Variants in CRMP1 observed in about 807,000 individuals in gnomAD.
CRMP1 encodes collapsin response mediator protein 1, also known as dihydropyrimidinase-related protein 1.
A neutral mutation model predicts 68.3 loss-of-function variants in CRMP1; 19 were observed. The observed-to-expected ratio is 0.28, with a 90% CI of 0.19 to 0.41. CRMP1 has a LOEUF of 0.41. CRMP1 is among the 10% of genes least tolerant of loss of function. The pLI is 1.00. For synonymous variants in CRMP1, 439 were observed against 399.6 expected (o/e 1.10, Z -1.18); for missense variants, 791 against 967.4 (o/e 0.82, Z 2.42).
chr4:5,827,733 G>GCACGCACACA (rs1719899729), intron 12 of CRMP1, among the ~76,000 whole-genome samples: 1 of 138,276 alleles, frequency 7.2e-6, no homozygotes, highest in African/African-American at 2.9e-5. Context: ...ATGTGCGCGT[G>GCACGCACACA]CACACACACA....
intron 1 of CRMP1, among the ~76,000 whole-genome samples, chr4:5,868,446 T>C (rs1047193443): frequency 4.1e-4 from 62 of 151,544 alleles, no homozygotes; most frequent in African/African-American, 1.4e-3. Flanking sequence ...GAACTACAGG[T>C]ACCTGCCACC....
At position 5,825,741 on chromosome 4, in the gene CRMP1, CGA is replaced by C; in HGVS notation, c.1804-84_1804-83del. The C allele has an allele frequency of 2.7e-6, 4 of 1,463,866 alleles. No individual in the cohort carries two copies. The highest frequency in any genetic ancestry group is 4.6e-5 in the Admixed American group (2 of 43,930). The allele number at this position is 1,463,866 out of a possible 1,614,324, so 90.7% of individuals were successfully genotyped here. On this transcript the variant is annotated intron_variant, in intron 12 of 13. Coordinates refer to ENST00000324989, the MANE Select transcript of CRMP1 (RefSeq NM_001014809.3). This position sits in a 1 kb window ranked among gnomAD's most constrained non-coding sequence, Gnocchi z 4.4. ...GGCAGATAAAGCAGAGCCCTGCGGG[CGA>C]GAGAGAAACCTGAGGTCACTTCAAA...
chr4:5,891,324 T>C lies in CRMP1; in HGVS notation c.381+1265A>G, dbSNP rs1715942374. On this transcript the variant is annotated intron_variant, in intron 1 of 13. Coordinates refer to ENST00000324989, the MANE Select transcript of CRMP1 (RefSeq NM_001014809.3). This position sits in a 1 kb window ranked among gnomAD's most constrained non-coding sequence, Gnocchi z 5.2. The stretch of plus-strand genomic sequence containing the variant: ...GGGCCCGAAGAGGCCCACCACCGTG[T>C]TTACCAGTTCCCTGCTCCTATTCCT... Among the ~76,000 whole-genome samples, 1 of 151,802 alleles carries C rather than the reference T, an allele frequency of 6.6e-6. No homozygotes were observed. Among genetic ancestry groups the C allele is most frequent in the Non-Finnish European group, 1.5e-5 (1 of 67,950 alleles).
rs1218583432 is a variant in CRMP1 at position 5,821,452 on chromosome 4, G to C, written c.*308C>G. ...CACCACTCAGAGAATCATGGAGCCA[G>C]TGGAGTTAGAAGTGGAAGGGACAGA... On this transcript the variant is annotated 3_prime_UTR_variant, in exon 14 of 14. Coordinates refer to ENST00000324989, the MANE Select transcript of CRMP1 (RefSeq NM_001014809.3). This position sits in a 1 kb window ranked among gnomAD's most constrained non-coding sequence, Gnocchi z 4.4. The C allele has an allele frequency of 5.2e-6, 2 of 382,312 alleles. No homozygotes were observed. The highest frequency in any genetic ancestry group is 9.6e-6 in the Non-Finnish European group (2 of 207,930). The allele number at this position is 382,312 out of a possible 1,614,324, so 23.7% of individuals were successfully genotyped here.
intron 11 of CRMP1, among the ~76,000 whole-genome samples, chr4:5,829,105 G>T (rs753970067): frequency 1.3e-4 from 20 of 152,294 alleles, no homozygotes; most frequent in Middle Eastern, 6.8e-3. Flanking sequence ...GTGCCATATG[G>T]CCAAATTATT....
rs1719385922 is a variant in CRMP1, at chr4:5,825,383, G to A, written c.1969+111C>T. ...TCGGGTGGGGCACACTCCCTTCCCTGCTTCTTCATCTAGTGTCCAAGGCCA... is the reference window on the plus strand; with the variant it reads ...TCGGGTGGGGCACACTCCCTTCCCTACTTCTTCATCTAGTGTCCAAGGCCA... On this transcript the variant is annotated intron_variant, in intron 13 of 13. Coordinates refer to ENST00000324989, the MANE Select transcript of CRMP1 (RefSeq NM_001014809.3). This position sits in a 1 kb window ranked among gnomAD's most constrained non-coding sequence, Gnocchi z 4.4. The A allele has an allele frequency of 1.4e-6, 2 of 1,463,408 alleles. No individual in the cohort carries two copies. The highest frequency in any genetic ancestry group is 5.6e-5 in the Admixed American group (2 of 35,416). The allele number at this position is 1,463,408 out of a possible 1,614,324, so 90.7% of individuals were successfully genotyped here.
In CRMP1 at chr4:5,825,948, A is replaced by C. The variant is rs1719532724; in HGVS notation, c.1804-289T>G. The C allele has an allele frequency of 4.4e-6, 2 of 457,092 alleles. No homozygotes were observed. Among genetic ancestry groups the C allele is most frequent in the Non-Finnish European group, 7.7e-6 (2 of 258,456 alleles). 28.3% of individuals were successfully genotyped at this position (457,092 alleles called of 1,614,324 possible). ...CTCACATACATGCAGTCATGCACACATATATGCATGCACATGCAGTAACAA... is the reference window on the plus strand; with the variant it reads ...CTCACATACATGCAGTCATGCACACCTATATGCATGCACATGCAGTAACAA... On this transcript the variant is annotated intron_variant, in intron 12 of 13. Coordinates refer to ENST00000324989, the MANE Select transcript of CRMP1 (RefSeq NM_001014809.3). The surrounding 1 kb of genome is among the most constrained non-coding windows in gnomAD (Gnocchi z 4.4).
At position 5,858,585 on chromosome 4, in the gene CRMP1, C is replaced by T. The variant is rs1345375843; in HGVS notation, c.656-2278G>A. On this transcript the variant is annotated intron_variant, in intron 3 of 13. Coordinates refer to ENST00000324989, the MANE Select transcript of CRMP1 (RefSeq NM_001014809.3). The surrounding 1 kb of genome is among the most constrained non-coding windows in gnomAD (Gnocchi z 5.5). Reference sequence around the variant, plus strand: ...TCCAATTCTGCCCACTCCATGGCCACGCCACCCTCATCTCTCAGCTGAATT... The same window carrying T: ...TCCAATTCTGCCCACTCCATGGCCATGCCACCCTCATCTCTCAGCTGAATT... Among the ~76,000 whole-genome samples, 1 of 152,150 alleles carries T rather than the reference C, an allele frequency of 6.6e-6. No homozygotes were observed.
intron 3 of CRMP1, among the ~76,000 whole-genome samples, chr4:5,856,904 T>C (rs2152466110): frequency 7.0e-6 from 1 of 142,510 alleles, no homozygotes; most frequent in African/African-American, 2.7e-5. Context: ...TCATCATTAC[T>C]AACATTATCA....
At chr4:5,851,921 AGAGGAAGAG>A (rs796358208) in intron 4 of CRMP1, among the ~76,000 whole-genome samples, 28 of 142,930 alleles carry the variant, frequency 2.0e-4, no homozygotes, top group Middle Eastern at 3.6e-3. Context: ...GAGAAGGAGA[AGAGGAAGAG>A]GAGGAAGAGG....
intron 6 of CRMP1, among the ~76,000 whole-genome samples, chr4:5,847,710 G>A (rs148506512): frequency 8.1e-4 from 123 of 152,284 alleles, no homozygotes; most frequent in African/African-American, 2.9e-3. Context: ...CTTCCACTGC[G>A]CTCTGGAACT....
Position 5,841,486 on chromosome 4 carries a change from A to G in CRMP1, c.1033-58T>C. 2 of 1,602,682 alleles carry G rather than the reference A, an allele frequency of 1.2e-6. No individual in the cohort carries two copies. The highest frequency in any genetic ancestry group is 2.2e-5 in the South Asian group (2 of 89,658). ...AAGGCTGGTGTAACAGCTACCACCC[A>G]TCTCCATTTTCCTTAATTGAATGTG... On this transcript the variant is annotated intron_variant, in intron 7 of 13. Transcript: ENST00000324989. The surrounding 1 kb of genome is among the most constrained non-coding windows in gnomAD (Gnocchi z 6.9).
At chr4:5,847,346 T>C (rs1009513747) in intron 6 of CRMP1, among the ~76,000 whole-genome samples, 1 of 152,204 alleles carries the variant, frequency 6.6e-6, no homozygotes, top group African/African-American at 2.4e-5. Flanking sequence ...TATGAGATTT[T>C]GGAGAACCAT....
chr4:5,891,098 TA>T lies in CRMP1; in HGVS notation c.381+1490del, dbSNP rs1715919432. ...AGGGAAGGTAGTGGACAGGGGGAGA[TA>T]CAGAAGGGGTGGGGGAAGAGGAAGC... On this transcript the variant is annotated intron_variant, in intron 1 of 13. Transcript: ENST00000324989. The surrounding 1 kb of genome is among the most constrained non-coding windows in gnomAD (Gnocchi z 5.2). 9.4e-5 allele frequency among the ~76,000 whole-genome samples: 14 copies of T among 148,518 alleles called. No homozygotes were observed. In the South Asian group the frequency reaches 3.0e-3, roughly 32 times the overall value.
intron 11 of CRMP1, among the ~76,000 whole-genome samples, chr4:5,830,882 T>G (rs547551619): frequency 1.3e-5 from 2 of 152,336 alleles, no homozygotes; most frequent in South Asian, 4.1e-4. Context: ...TTAGAAAGAA[T>G]TGATATGTTC....
In CRMP1 at chr4:5,891,073, A is replaced by G. The variant is rs1715917734; in HGVS notation, c.381+1516T>C. Among the ~76,000 whole-genome samples, 1 of 151,816 alleles carries G rather than the reference A, an allele frequency of 6.6e-6. No individual in the cohort carries two copies. The highest frequency in any genetic ancestry group is 6.6e-5 in the Admixed American group (1 of 15,252). On this transcript the variant is annotated intron_variant, in intron 1 of 13. Coordinates refer to ENST00000324989, the MANE Select transcript of CRMP1 (RefSeq NM_001014809.3). This position sits in a 1 kb window ranked among gnomAD's most constrained non-coding sequence, Gnocchi z 5.2. ...GGATCCCAAGAGAGGTCGGACCACC[A>G]GGGAAGGTAGTGGACAGGGGGAGAT...
Position 5,838,300 on chromosome 4 carries a change from C to A in CRMP1, c.1310+1222G>T, listed in dbSNP as rs1477907170. The stretch of plus-strand genomic sequence containing the variant: ...AGGAGGCCCAGGGAGGGAGGTTGGT[C>A]AGGGCGTGTGCACCGGATTGAGTTC... On this transcript the variant is annotated intron_variant, in intron 9 of 13. Transcript: ENST00000324989. The surrounding 1 kb of genome is among the most constrained non-coding windows in gnomAD (Gnocchi z 4.9). 6.6e-6 allele frequency among the ~76,000 whole-genome samples: 1 copy of A among 152,098 alleles called. No homozygotes were observed.
intron 12 of CRMP1, chr4:5,828,023 C>T (rs1030205869): frequency 4.1e-6 from 4 of 984,718 alleles, no homozygotes; most frequent in South Asian, 4.7e-5. Context: ...GAAGAAAGGG[C>T]GGATCTGAAG....
At chr4:5,824,767 G>C (rs541383927) in intron 13 of CRMP1, 1 of 984,224 alleles carries the variant, frequency 1.0e-6, no homozygotes, top group Non-Finnish European at 1.2e-6. Context: ...ACCCAGCACG[G>C]TGTGCAACCC....
Sources: allele counts gnomAD v4.1 joint callset (sites outside exome capture counted in the v4.1 genomes callset), GRCh38; gene constraint gnomAD v4.1.1; non-coding constraint Gnocchi (gnomAD v3.1); transcripts MANE v1.5; gene names NCBI Gene and HGNC (gene_info 2026-07-23, HGNC 2026-07-21).